The following AKAP13 variants were observed in gnomAD, a reference collection of about 807,000 sequenced individuals.
The protein encoded by AKAP13 is A-kinase anchoring protein 13.
In AKAP13, 80 loss-of-function variants were observed where a neutral mutation model predicts 264.5. That is an observed-to-expected ratio of 0.30 (90% CI 0.25 to 0.36). AKAP13 has a LOEUF of 0.36. AKAP13 is among the 10% of genes least tolerant of loss of function. AKAP13 has a pLI of 1.00. For synonymous variants in AKAP13, 1,380 were observed against 1,250.2 expected, an observed-to-expected ratio of 1.10 and a Z score of -2.19; for missense variants, 3,712 against 3,435.2, an observed-to-expected ratio of 1.08 and a Z score of -2.01.
At chr15:85,700,777 CTAAT>C (rs926100509) in intron 17 of AKAP13, among the ~76,000 whole-genome samples, 8 of 152,060 alleles carry the variant, frequency 5.3e-5, no homozygotes, top group Admixed American at 5.2e-4. Context: ...CCTTCCATCT[CTAAT>C]TAATTGAAGA....
At chr15:85,593,857 A>G (rs1392443649) in intron 8 of AKAP13, among the ~76,000 whole-genome samples, 2 of 152,170 alleles carry the variant, frequency 1.3e-5, no homozygotes, top group Non-Finnish European at 2.9e-5. Flanking sequence ...GGGAAAGATT[A>G]TGGAGCCCAG....
chr15:85,682,869 G>A (rs1293668272), intron 15 of AKAP13, among the ~76,000 whole-genome samples: 1 of 152,108 alleles, frequency 6.6e-6, no homozygotes, highest in Non-Finnish European at 1.5e-5. Context: ...GTTTCTCCAT[G>A]TTGGTCAGGC....
At chr15:85,551,744 G>A (rs1044571272) in intron 5 of AKAP13, among the ~76,000 whole-genome samples, 1 of 152,250 alleles carries the variant, frequency 6.6e-6, no homozygotes, top group African/African-American at 2.4e-5. Context: ...GCAACAGCAT[G>A]TGATTTGTTT....
intron 8 of AKAP13, chr15:85,619,295 G>A: frequency 5.5e-6 from 5 of 904,434 alleles, no homozygotes; most frequent in Non-Finnish European, 6.6e-6. Flanking sequence ...GAAAGGGCAA[G>A]CAGTGACGTT....
chr15:85,438,425 T>C (rs1195094543), intron 1 of AKAP13, among the ~76,000 whole-genome samples: 7 of 151,936 alleles, frequency 4.6e-5, no homozygotes, highest in Middle Eastern at 3.4e-3. Flanking sequence ...TCCATCCCCA[T>C]AAAGCTACCA....
chr15:85,518,489 A>T (rs555574800), intron 2 of AKAP13, among the ~76,000 whole-genome samples: 3 of 152,214 alleles, frequency 2.0e-5, no homozygotes, highest in Non-Finnish European at 2.9e-5. Context: ...TATTTTGGGC[A>T]TAAGGTAGTG....
At chr15:85,585,865 T>C (rs757049102) in intron 8 of AKAP13, 42 bp downstream of exon 8, 1 of 1,603,748 alleles carries the variant, frequency 6.2e-7, no homozygotes, top group Non-Finnish European at 8.5e-7. Context: ...AAAATGTGTT[T>C]ATCCTGTTCT....
In AKAP13 at chr15:85,579,303, C is replaced by T. The variant is rs574002505; in HGVS notation, c.1235C>T (p.Thr412Met). The change falls in exon 7 of 37, where the codon ACG becomes ATG. Residue 412 changes from threonine to methionine, a missense_variant. Thr to Met is a moderately conservative substitution (Grantham distance 81). Around this residue, in one of 3 missense-constraint regions of AKAP13, gnomAD observed 2,759 missense variants for 2,411.7 expected, o/e 1.14. Coordinates refer to ENST00000394518, the MANE Select transcript of AKAP13 (RefSeq NM_007200.5). ...TTGCCTGATTGTGGAGTAAAGGGCA[C>T]GGAAGGCCTTTCGTCCTGTGGAAAC... is the stretch of plus-strand genomic sequence containing the variant. The part of the protein sequence containing the change: ...QSLPDCGVKG[T>M]EGLSSCGNRN... 9.9e-6 allele frequency: 16 copies of T among 1,614,158 alleles called. No individual in the cohort carries two copies. Among genetic ancestry groups the T allele is most frequent in the Admixed American group, 6.7e-5 (4 of 60,018 alleles).
intron 17 of AKAP13, among the ~76,000 whole-genome samples, chr15:85,696,039 GATAC>G (rs1302613462): frequency 6.6e-6 from 1 of 152,110 alleles, no homozygotes; most frequent in Non-Finnish European, 1.5e-5. Context: ...ACTCACATAG[GATAC>G]ATACATAACA....
At chr15:85,607,354 T>C (rs2080396933) in intron 8 of AKAP13, among the ~76,000 whole-genome samples, 1 of 152,212 alleles carries the variant, frequency 6.6e-6, no homozygotes, top group Admixed American at 6.5e-5. Context: ...GAATTTACCA[T>C]AGTTACTTGG....
At chr15:85,630,814 G>A (rs1316716629) in intron 8 of AKAP13, among the ~76,000 whole-genome samples, 1 of 152,110 alleles carries the variant, frequency 6.6e-6, no homozygotes, top group Non-Finnish European at 1.5e-5. Flanking sequence ...CAAGAATGTA[G>A]AAAAATTGTT....
chr15:85,431,684 G>T (rs1401893065), intron 1 of AKAP13, among the ~76,000 whole-genome samples: 1 of 152,022 alleles, frequency 6.6e-6, no homozygotes, highest in African/African-American at 2.4e-5. Context: ...CCAGCTTTTA[G>T]GTAGTAACTT....
Position 85,735,415 on chromosome 15 carries a change from T to C in AKAP13, c.7442-145T>C, listed in dbSNP as rs1305552019. On this transcript the variant is annotated intron_variant, in intron 31 of 36. Coordinates refer to ENST00000394518, the MANE Select transcript of AKAP13 (RefSeq NM_007200.5). ...ATCCGTAAAATTATTAATAATCACTTAGCTGCCACCAAGCAGCTCCCCCTT... is the reference window on the plus strand; with the variant it reads ...ATCCGTAAAATTATTAATAATCACTCAGCTGCCACCAAGCAGCTCCCCCTT... 3 of 859,622 alleles carry C rather than the reference T, an allele frequency of 3.5e-6. No homozygotes were observed. The African/African-American group carries it at 5.1e-5, about 15-fold the overall frequency. The allele number at this position is 859,622 out of a possible 1,614,324, so 53.2% of individuals were successfully genotyped here.
At chr15:85,483,325 G>T (rs1457203768) in intron 1 of AKAP13, among the ~76,000 whole-genome samples, 8 of 152,162 alleles carry the variant, frequency 5.3e-5, no homozygotes, top group Admixed American at 5.2e-4. Flanking sequence ...ACACAAATTC[G>T]TAAACTGTCT....
intron 1 of AKAP13, among the ~76,000 whole-genome samples, chr15:85,472,216 C>G (rs992229658): frequency 6.7e-6 from 1 of 149,036 alleles, no homozygotes; most frequent in South Asian, 2.1e-4. Context: ...AAACAAAAAA[C>G]AAAGCAGGAA....
chr15:85,740,499 G>T (rs926847977), intron 34 of AKAP13: 14 of 526,710 alleles, frequency 2.7e-5, no homozygotes, highest in Non-Finnish European at 3.7e-5. Flanking sequence ...TGATAACCAT[G>T]CTACAAATCA....
chr15:85,657,788 T>G (rs1230725532), intron 11 of AKAP13, among the ~76,000 whole-genome samples: 1 of 151,580 alleles, frequency 6.6e-6, no homozygotes, highest in Non-Finnish European at 1.5e-5. Context: ...CAGCCAGAGC[T>G]TGAAGCAAAT....
intron 5 of AKAP13, among the ~76,000 whole-genome samples, chr15:85,568,745 C>T (rs1490400894): frequency 6.6e-6 from 1 of 152,078 alleles, no homozygotes; most frequent in Non-Finnish European, 1.5e-5. Flanking sequence ...GAGAGAAAGC[C>T]TAGGTGATAC....
chr15:85,527,509 TG>T (rs1218665632), intron 3 of AKAP13, among the ~76,000 whole-genome samples: 1 of 152,220 alleles, frequency 6.6e-6, no homozygotes, highest in Non-Finnish European at 1.5e-5. Flanking sequence ...AAAGGCTCTT[TG>T]GGATATGATA....
Sources: gnomAD v4.1 joint callset for allele counts (sites outside exome capture counted in the v4.1 genomes callset) on GRCh38, gnomAD v4.1.1 for gene constraint, gnomAD v4.1.1 regional missense constraint, MANE v1.5 for transcripts, NCBI Gene and HGNC (gene_info 2026-07-23, HGNC 2026-07-21) for gene names.